RHEX: variants seen among roughly 807,000 people sequenced by gnomAD.
RHEX encodes regulator of hemoglobinization and erythroid cell expansion, also known as regulator of hemoglobinization and erythroid cell expansion protein.
RHEX carries 18 observed loss-of-function variants against 20.1 expected under a neutral mutation model. The observed-to-expected ratio is 0.90, with a 90% CI of 0.62 to 1.33. The LOEUF (loss-of-function observed/expected upper bound fraction) is 1.33. Ranked by LOEUF, RHEX falls within the 40% of genes most tolerant of loss-of-function variation. The pLI is 0.00. For synonymous variants in RHEX, 87 were observed against 77.1 expected (o/e 1.13, Z -0.67); for missense variants, 192 against 214.3 (o/e 0.90, Z 0.65).
chr1:206,064,077 A>G (rs1216204025), intron 1 of RHEX, among the ~76,000 whole-genome samples: 8 of 124,258 alleles, frequency 6.4e-5, no homozygotes, highest in African/African-American at 1.2e-4. Flanking sequence ...GCCTCTGCCC[A>G]GCCGCGACCC....
At chr1:206,072,982 C>A (rs1662564879) in intron 1 of RHEX, among the ~76,000 whole-genome samples, 1 of 151,966 alleles carries the variant, frequency 6.6e-6, no homozygotes, top group Non-Finnish European at 1.5e-5. Flanking sequence ...GGACTATAAG[C>A]GTGCACTACC....
chr1:206,071,882 G>T (rs1223277168), intron 1 of RHEX, among the ~76,000 whole-genome samples: 1 of 149,970 alleles, frequency 6.7e-6, no homozygotes, highest in East Asian at 1.9e-4. Flanking sequence ...AAAAGAAAAA[G>T]AAAGTGTAAA....
In RHEX at chr1:206,098,080, GA is replaced by G; in HGVS notation, c.12del (p.Val5SerfsTer8). 6.2e-7 allele frequency: 1 copy of G among 1,612,102 alleles called. No individual in the cohort carries two copies. The highest frequency in any genetic ancestry group is 8.5e-7 in the Non-Finnish European group (1 of 1,178,182). On this transcript the variant is annotated frameshift_variant and splice_region_variant, in exon 3 of 6. Coordinates refer to ENST00000331555, the MANE Select transcript of RHEX (RefSeq NM_001007544.4). LOFTEE classifies it high-confidence loss of function. The stretch of plus-strand genomic sequence containing the variant: ...CTTTGCCCCTTTTTCTTTCCCAACA[GA>G]GTCATGGAGGTCTGGCATGGCTTAG... The part of the protein sequence containing the change: MLT[E>X]VMEVWHGLVI...
intron 3 of RHEX, 23 bp from the exon 4 acceptor site, chr1:206,099,632 G>A: frequency 6.2e-7 from 1 of 1,610,228 alleles, no homozygotes; most frequent in Non-Finnish European, 8.5e-7. Flanking sequence ...TTCCACTTTT[G>A]ATCCCTGCCC....
At chr1:206,064,877 C>G (rs936001192) in intron 1 of RHEX, among the ~76,000 whole-genome samples, 6 of 147,924 alleles carry the variant, frequency 4.1e-5, no homozygotes, top group South Asian at 2.1e-4. Context: ...GGATGGTTGC[C>G]GTGTCTGTGT....
intron 1 of RHEX, 36 bp from the exon 2 acceptor site, chr1:206,097,697 G>A: frequency 7.2e-7 from 1 of 1,395,848 alleles, no homozygotes; most frequent in Non-Finnish European, 1.0e-6. Flanking sequence ...TGTATAAAGA[G>A]CCCTGGAGTC....
At chr1:206,078,025 TG>T (rs1662667530) in intron 1 of RHEX, among the ~76,000 whole-genome samples, 1 of 152,196 alleles carries the variant, frequency 6.6e-6, no homozygotes, top group African/African-American at 2.4e-5. Flanking sequence ...CTTTGTTTCA[TG>T]CACAAAATTA....
chr1:206,093,964 C>G (rs972218234), intron 1 of RHEX, among the ~76,000 whole-genome samples: 1 of 152,064 alleles, frequency 6.6e-6, no homozygotes, highest in Non-Finnish European at 1.5e-5. Flanking sequence ...CAAGCATGAG[C>G]CACCGTGCCC....
chr1:206,098,262 G>C, intron 3 of RHEX, 81 bp downstream of exon 3: 1 of 1,059,698 alleles, frequency 9.4e-7, no homozygotes, highest in South Asian at 1.3e-5. Flanking sequence ...GACCCCTTTG[G>C]AGTTCCCAAA....
intron 1 of RHEX, among the ~76,000 whole-genome samples, chr1:206,068,220 C>G (rs1029837412): frequency 1.3e-5 from 2 of 152,028 alleles, no homozygotes; most frequent in Non-Finnish European, 2.9e-5. Context: ...GTTAATGAGG[C>G]TTTGAAAATG....
intron 4 of RHEX, 97 bp downstream of exon 4, chr1:206,099,895 T>G (rs2102331085): frequency 8.6e-7 from 1 of 1,165,536 alleles, no homozygotes; most frequent in Middle Eastern, 2.0e-4. Context: ...GGCCCAAACC[T>G]CTAGCCTGAG....
chr1:206,066,698 G>A (rs142180251), intron 1 of RHEX, among the ~76,000 whole-genome samples: 1,916 of 152,304 alleles, frequency 0.013, 25 homozygotes, highest in Non-Finnish European at 0.019. Context: ...GAGACAGAAG[G>A]GAGAGGCTGA....
At chr1:206,087,992 G>C (rs1553286585) in intron 1 of RHEX, among the ~76,000 whole-genome samples, 2 of 152,194 alleles carry the variant, frequency 1.3e-5, no homozygotes, top group African/African-American at 2.4e-5. Context: ...GGGTGCAGCG[G>C]CTCATGCCTA....
At chr1:206,064,127 T>G (rs1440442766) in intron 1 of RHEX, among the ~76,000 whole-genome samples, 6 of 129,412 alleles carry the variant, frequency 4.6e-5, no homozygotes, top group Non-Finnish European at 8.1e-5. Flanking sequence ...GGCCGCCCCG[T>G]CTGAGAAGTG....
At chr1:206,059,829 G>A (rs1310880053) in intron 1 of RHEX, among the ~76,000 whole-genome samples, 1 of 152,100 alleles carries the variant, frequency 6.6e-6, no homozygotes, top group Non-Finnish European at 1.5e-5. Context: ...CTTTCCTGGT[G>A]TGAATAATTC....
At chr1:206,062,516 C>G (rs1461962648) in intron 1 of RHEX, among the ~76,000 whole-genome samples, 17 of 152,370 alleles carry the variant, frequency 1.1e-4, no homozygotes, top group Admixed American at 8.5e-4. Context: ...CAGGAGTTAA[C>G]ACCCCATGGG....
chr1:206,078,382 A>T (rs1490124716), intron 1 of RHEX, among the ~76,000 whole-genome samples: 1 of 151,956 alleles, frequency 6.6e-6, no homozygotes, highest in African/African-American at 2.4e-5. Flanking sequence ...GCTACAAAAC[A>T]TTTTTTAAAA....
At chr1:206,061,174 G>C (rs569640458) in intron 1 of RHEX, 1 of 152,100 alleles carries the variant, frequency 6.6e-6, no homozygotes, top group Non-Finnish European at 1.5e-5. Context: ...ATTATAAAGC[G>C]TACTCATTTC....
At chr1:206,091,622 G>A (rs143388824) in intron 1 of RHEX, among the ~76,000 whole-genome samples, 1 of 152,286 alleles carries the variant, frequency 6.6e-6, no homozygotes, top group East Asian at 1.9e-4. Flanking sequence ...TTGGGATTTA[G>A]GATTTTGAGT....
Sources: gnomAD v4.1 joint callset for allele counts (sites outside exome capture counted in the v4.1 genomes callset) on GRCh38, gnomAD v4.1.1 for gene constraint, MANE v1.5 for transcripts, NCBI Gene and HGNC (gene_info 2026-07-23, HGNC 2026-07-21) for gene names.